PREP: variants seen among roughly 807,000 people sequenced by gnomAD.
PREP encodes dJ355L5.1 (prolyl endopeptidase).
PREP carries 29 observed loss-of-function variants against 87.6 expected under a neutral mutation model. That is an observed-to-expected ratio of 0.33 (90% confidence interval 0.25 to 0.45). The LOEUF is 0.45. PREP is among the 20% of genes least tolerant of loss of function. PREP has a pLI of 1.00. For synonymous variants in PREP, 337 were observed against 328.6 expected, an observed-to-expected ratio of 1.03 and a Z score of -0.28; for missense variants, 695 against 886.5, an observed-to-expected ratio of 0.78 and a Z score of 2.74.
At chr6:105,393,596 A>G (rs1357209615) in intron 2 of PREP, among the ~76,000 whole-genome samples, 1 of 152,210 alleles carries the variant, frequency 6.6e-6, no homozygotes, top group Non-Finnish European at 1.5e-5. Context: ...TGTCCAGTAG[A>G]TACATTATGC....
intron 10 of PREP, chr6:105,322,277 T>C (rs1450698006): frequency 1.1e-6 from 1 of 919,088 alleles, no homozygotes; most frequent in Non-Finnish European, 1.3e-6. Context: ...TAAAAGTCTG[T>C]TACATTTATT....
At position 105,296,584 on chromosome 6, in the gene PREP, TA is replaced by T. The variant is rs1770417880; in HGVS notation, c.1318-7691del. Among the ~76,000 whole-genome samples, 3 of 152,348 alleles carry T rather than the reference TA, an allele frequency of 2.0e-5. No individual in the cohort carries two copies. The East Asian group carries it at 5.8e-4, about 29-fold the overall frequency. ...GTTTACATATGGTCTGGGATCTAAC[TA>T]CTTTTCCCCAAATGGCCAACTATTA... On this transcript the variant is annotated intron_variant, in intron 10 of 14. Coordinates refer to ENST00000652536, the MANE Select transcript of PREP (RefSeq NM_002726.5).
chr6:105,327,521 T>G (rs1287499490), intron 9 of PREP, among the ~76,000 whole-genome samples: 3 of 152,214 alleles, frequency 2.0e-5, no homozygotes, highest in Admixed American at 6.5e-5. Context: ...TTAATAACCC[T>G]GACAGCAACC....
intron 10 of PREP, among the ~76,000 whole-genome samples, chr6:105,297,283 G>A (rs575114496): frequency 6.6e-6 from 1 of 152,282 alleles, no homozygotes; most frequent in African/African-American, 2.4e-5. Flanking sequence ...CTAGCATCAT[G>A]ACTAACCAGT....
chr6:105,312,619 G>A (rs1219677611), intron 10 of PREP, among the ~76,000 whole-genome samples: 2 of 152,192 alleles, frequency 1.3e-5, no homozygotes, highest in Non-Finnish European at 1.5e-5. Context: ...GTTTATGTAC[G>A]AAGAACATGA....
intron 7 of PREP, among the ~76,000 whole-genome samples, chr6:105,346,672 G>A (rs1275684988): frequency 1.3e-5 from 2 of 152,196 alleles, no homozygotes; most frequent in East Asian, 1.9e-4. Context: ...AGAAAAGACC[G>A]CTCTAGGCCC....
chr6:105,313,314 G>A (rs1770796937), intron 10 of PREP, among the ~76,000 whole-genome samples: 1 of 152,166 alleles, frequency 6.6e-6, no homozygotes, highest in South Asian at 2.1e-4. Flanking sequence ...AAAGCAAGTG[G>A]AGGGGAGGGG....
intron 6 of PREP, among the ~76,000 whole-genome samples, chr6:105,368,186 C>A (rs895247857): frequency 6.6e-6 from 1 of 152,182 alleles, no homozygotes; most frequent in Non-Finnish European, 1.5e-5. Flanking sequence ...CTCATTCCCA[C>A]TAAAAATGGA....
At position 105,306,315 on chromosome 6, in the gene PREP, T is replaced by C. The variant is rs533842710; in HGVS notation, c.1317+17350A>G. Among the ~76,000 whole-genome samples the C allele has an allele frequency of 3.9e-5, 6 of 152,264 alleles. No homozygotes were observed. The South Asian group carries it at 1.2e-3, about 32-fold the overall frequency. On this transcript the variant is annotated intron_variant, in intron 10 of 14. Coordinates refer to ENST00000652536, the MANE Select transcript of PREP (RefSeq NM_002726.5). ...GATGATTATGAAGCACTGGGGTGCA[T>C]ACACAAAGGCTGGCAACAAAGTCTG...
chr6:105,316,922 G>A (rs1429705222), intron 10 of PREP, among the ~76,000 whole-genome samples: 1 of 151,076 alleles, frequency 6.6e-6, no homozygotes, highest in Admixed American at 6.6e-5. Context: ...TTAGAGGTAA[G>A]AAAGCTTAGG....
chr6:105,374,219 C>T (rs950965779), intron 4 of PREP, among the ~76,000 whole-genome samples: 26 of 152,158 alleles, frequency 1.7e-4, no homozygotes, highest in African/African-American at 3.4e-4. Flanking sequence ...TATAGACTGT[C>T]GTGCCATGTA....
At chr6:105,283,203 C>T (rs142329903) in intron 12 of PREP, among the ~76,000 whole-genome samples, 6 of 152,358 alleles carry the variant, frequency 3.9e-5, no homozygotes, top group African/African-American at 1.4e-4. Context: ...GGCAGAGCAT[C>T]ACATTATGTT....
intron 1 of PREP, 95 bp downstream of exon 1, chr6:105,402,752 G>A: frequency 8.3e-7 from 1 of 1,207,052 alleles, no homozygotes. Flanking sequence ...CGCGGGGGTC[G>A]AAGGCCTACA....
intron 10 of PREP, among the ~76,000 whole-genome samples, chr6:105,300,173 A>G (rs1391671375): frequency 6.6e-6 from 1 of 152,240 alleles, no homozygotes; most frequent in African/African-American, 2.4e-5. Context: ...CTGGGATTAT[A>G]GGCGTGAGCC....
intron 7 of PREP, 91 bp from the exon 8 acceptor site, chr6:105,333,596 T>C: frequency 1.6e-6 from 2 of 1,259,732 alleles, no homozygotes; most frequent in South Asian, 1.3e-5. Context: ...ATCTTTCTTA[T>C]CCTCAAAACA....
chr6:105,288,443 TG>T (rs1423024371), intron 11 of PREP, among the ~76,000 whole-genome samples: 34 of 152,214 alleles, frequency 2.2e-4, no homozygotes. Context: ...CTCTGCCTCC[TG>T]GGTTCAAGTG....
intron 6 of PREP, among the ~76,000 whole-genome samples, chr6:105,366,177 A>C (rs1222366716): frequency 6.6e-6 from 1 of 152,178 alleles, no homozygotes; most frequent in Non-Finnish European, 1.5e-5. Context: ...AAATCGCTTG[A>C]ACCCGGGAGG....
intron 2 of PREP, among the ~76,000 whole-genome samples, chr6:105,390,422 C>G (rs776474059): frequency 1.3e-5 from 2 of 152,286 alleles, no homozygotes; most frequent in South Asian, 4.1e-4. Context: ...GTTGTTGTTA[C>G]TCTCATTTTG....
chr6:105,309,743 G>T (rs1583047734), intron 10 of PREP, among the ~76,000 whole-genome samples: 1 of 152,232 alleles, frequency 6.6e-6, no homozygotes, highest in East Asian at 1.9e-4. Flanking sequence ...TTCCCTCCTG[G>T]CAGAATGGAG....
Sources: gnomAD v4.1 joint callset for allele counts (sites outside exome capture counted in the v4.1 genomes callset) on GRCh38, gnomAD v4.1.1 for gene constraint, MANE v1.5 for transcripts, NCBI Gene and HGNC (gene_info 2026-07-23, HGNC 2026-07-21) for gene names.